The following MCTP2 variants were observed in gnomAD, a reference collection of about 807,000 sequenced individuals.
MCTP2 encodes the protein multiple C2 and transmembrane domain-containing protein 2.
MCTP2 carries 132 observed loss-of-function variants against 111.6 expected under a neutral mutation model. That is an observed-to-expected ratio of 1.18 (90% confidence interval 1.03 to 1.37). The LOEUF is 1.37. Ranked by LOEUF, MCTP2 falls within the 40% of genes most tolerant of loss-of-function variation. The pLI, the probability that MCTP2 is intolerant of heterozygous loss-of-function variation, is 0.00. For synonymous variants in MCTP2, 395 were observed against 387.7 expected, an observed-to-expected ratio of 1.02 and a Z score of -0.22; for missense variants, 1,183 against 1,067.9, an observed-to-expected ratio of 1.11 and a Z score of -1.50.
chr15:94,405,299 G>A (rs975813380), intron 17 of MCTP2, among the ~76,000 whole-genome samples: 10 of 152,306 alleles, frequency 6.6e-5, no homozygotes, highest in African/African-American at 1.4e-4. Context: ...TCTAGCTCCA[G>A]GTGATACAAA....
chr15:94,279,117 T>A (rs753127814), intron 1 of MCTP2, among the ~76,000 whole-genome samples: 1 of 152,172 alleles, frequency 6.6e-6, no homozygotes, highest in Non-Finnish European at 1.5e-5. Flanking sequence ...TTTGGTTTCA[T>A]AGGAATTTTA....
chr15:94,332,238 C>T (rs898735247), intron 4 of MCTP2, among the ~76,000 whole-genome samples: 1 of 152,142 alleles, frequency 6.6e-6, no homozygotes, highest in Non-Finnish European at 1.5e-5. Context: ...AAGAGGCCAG[C>T]AGCACCTGTT....
intron 17 of MCTP2, among the ~76,000 whole-genome samples, chr15:94,411,694 A>T (rs2082158310): frequency 6.6e-6 from 1 of 151,950 alleles, no homozygotes; most frequent in Non-Finnish European, 1.5e-5. Flanking sequence ...TAAATAACAG[A>T]TGTGTTTTAG....
intron 1 of MCTP2, among the ~76,000 whole-genome samples, chr15:94,280,359 C>T (rs1301492058): frequency 6.7e-6 from 1 of 149,842 alleles, no homozygotes; most frequent in Non-Finnish European, 1.5e-5. Context: ...TTCCATTTAT[C>T]CATTTCTTAT....
chr15:94,339,340 A>G lies in MCTP2; in HGVS notation c.688A>G (p.Lys230Glu), dbSNP rs1293050312. ...KFKLNGKTLY[K>E]SKVIYKNLNP... ...TAAGCTGAATGGGAAGACGCTGTACAAAAGTAAAGTCATATATAAGAACTT... is the reference window on the plus strand; with the variant it reads ...TAAGCTGAATGGGAAGACGCTGTACGAAAGTAAAGTCATATATAAGAACTT... The change falls in exon 5 of 23, where the codon AAA becomes GAA. Residue 230 changes from lysine (K) to glutamate (E), a missense_variant. Physicochemically the swap from Lys to Glu is moderately conservative, Grantham distance 56. Coordinates refer to ENST00000357742, the MANE Select transcript of MCTP2 (RefSeq NM_001385001.1). The G allele has an allele frequency of 6.2e-7, 1 of 1,612,032 alleles. No homozygotes were observed.
At chr15:94,374,057 C>T (rs1225314629) in intron 12 of MCTP2, among the ~76,000 whole-genome samples, 2 of 152,130 alleles carry the variant, frequency 1.3e-5, no homozygotes, top group East Asian at 1.9e-4. Context: ...AAAAGAGAAA[C>T]ATTTTATTCT....
chr15:94,268,592 A>G (rs1299218857), intron 1 of MCTP2, among the ~76,000 whole-genome samples: 2 of 151,996 alleles, frequency 1.3e-5, no homozygotes, highest in African/African-American at 4.8e-5. Context: ...CTTCCTTTGT[A>G]TAGACTATGT....
chr15:94,402,983 A>G, intron 17 of MCTP2: 1 of 1,003,128 alleles, frequency 1.0e-6, no homozygotes, highest in African/African-American at 1.7e-5. Context: ...AGCCTCATAT[A>G]AAAAATGGGG....
chr15:94,464,550 G>T (rs8029567), intron 20 of MCTP2, among the ~76,000 whole-genome samples: 65,875 of 150,774 alleles, frequency 0.44, 15,100 homozygotes, highest in African/African-American at 0.58. Context: ...CTGCTTGTTT[G>T]TTCATTAGTT....
intron 8 of MCTP2, among the ~76,000 whole-genome samples, chr15:94,352,042 T>A (rs933412535): frequency 1.3e-5 from 2 of 152,204 alleles, no homozygotes; most frequent in Non-Finnish European, 2.9e-5. Flanking sequence ...GGAATTCACA[T>A]CACTATCTCC....
At position 94,331,237 on chromosome 15, in the gene MCTP2, C is replaced by G. The variant is rs142243338; in HGVS notation, c.638-8053C>G. Among the ~76,000 whole-genome samples, 572 of 152,296 alleles carry G rather than the reference C, an allele frequency of 3.8e-3. 1 individual carries two copies. Among genetic ancestry groups the G allele is most frequent in the Non-Finnish European group, 6.3e-3 (426 of 68,034 alleles). On this transcript the variant is annotated intron_variant, in intron 4 of 22. Coordinates refer to ENST00000357742, the MANE Select transcript of MCTP2 (RefSeq NM_001385001.1). ...TTTTAAAAATAGCTTTTGAAGGTCT[C>G]TGGCTCATCTTAGTTGATGGGTTAT...
At chr15:94,234,725 A>G (rs1268522979) in intron 1 of MCTP2, among the ~76,000 whole-genome samples, 1 of 152,188 alleles carries the variant, frequency 6.6e-6, no homozygotes, top group African/African-American at 2.4e-5. Context: ...TCCAACTATC[A>G]GTCACCATTT....
At chr15:94,453,937 TG>T (rs2084634705) in intron 19 of MCTP2, among the ~76,000 whole-genome samples, 1 of 152,212 alleles carries the variant, frequency 6.6e-6, no homozygotes, top group Admixed American at 6.5e-5. Flanking sequence ...TATCTCTCTG[TG>T]GAGCATGACT....
chr15:94,295,878 G>A (rs909955945), intron 1 of MCTP2, among the ~76,000 whole-genome samples: 1 of 150,652 alleles, frequency 6.6e-6, no homozygotes, highest in South Asian at 2.1e-4. Flanking sequence ...TCGTGCCATT[G>A]CACTCCAGCC....
chr15:94,386,803 A>AAAAC (rs869256481), intron 14 of MCTP2, among the ~76,000 whole-genome samples: 8 of 69,950 alleles, frequency 1.1e-4, no homozygotes, highest in Non-Finnish European at 3.3e-4. Flanking sequence ...ACATGACTTA[A>AAAAC]AAACAAAACA....
chr15:94,313,337 C>G (rs928386610), intron 2 of MCTP2, among the ~76,000 whole-genome samples: 1 of 152,184 alleles, frequency 6.6e-6, no homozygotes, highest in Non-Finnish European at 1.5e-5. Flanking sequence ...GTGCCCCATA[C>G]TAACTACTGC....
upstream of MCTP2, chr15:94,231,485 G>A (rs2070163816): frequency 6.6e-6 from 1 of 152,272 alleles, no homozygotes; most frequent in Admixed American, 6.5e-5. Context: ...TCCCCTTTAG[G>A]CGGGGCTCGC....
intron 1 of MCTP2, among the ~76,000 whole-genome samples, chr15:94,241,507 C>A (rs1317844097): frequency 1.3e-5 from 2 of 152,242 alleles, no homozygotes; most frequent in East Asian, 3.9e-4. Flanking sequence ...CTGTCGATAT[C>A]TTTTTGCTGG....
intron 2 of MCTP2, among the ~76,000 whole-genome samples, chr15:94,300,267 G>T (rs1285641776): frequency 6.6e-6 from 1 of 152,012 alleles, no homozygotes; most frequent in African/African-American, 2.4e-5. Context: ...CAGTACTTTG[G>T]GAGACCGAGG....
Sources: gnomAD v4.1 joint callset for allele counts (sites outside exome capture counted in the v4.1 genomes callset) on GRCh38, gnomAD v4.1.1 for gene constraint, MANE v1.5 for transcripts, NCBI Gene and HGNC (gene_info 2026-07-23, HGNC 2026-07-21) for gene names.